RALGAPA2: variants seen among roughly 807,000 people sequenced by gnomAD.
RALGAPA2 encodes the protein ral GTPase-activating protein subunit alpha-2.
Under a neutral mutation model 230.4 loss-of-function variants are expected in RALGAPA2, and 139 were observed. The ratio of observed to expected loss-of-function variants is 0.60; its 90% CI spans 0.53 to 0.69. RALGAPA2 has a LOEUF of 0.69. RALGAPA2 is among the 30% of genes least tolerant of loss of function. The pLI, the probability that RALGAPA2 is intolerant of heterozygous loss-of-function variation, is 0.00. For missense variants in RALGAPA2, 2,163 were observed against 2,276.0 expected, an observed-to-expected ratio of 0.95 and a Z score of 1.01; for synonymous variants, 847 against 837.8, an observed-to-expected ratio of 1.01 and a Z score of -0.19.
chr20:20,553,468 C>T (rs924703335), intron 23 of RALGAPA2, among the ~76,000 whole-genome samples: 26 of 152,096 alleles, frequency 1.7e-4, no homozygotes, highest in African/African-American at 6.0e-4. Context: ...GGGAGGATCG[C>T]TTGAGCCTGG....
chr20:20,687,898 T>A (rs1345894383), intron 1 of RALGAPA2, among the ~76,000 whole-genome samples: 1 of 152,152 alleles, frequency 6.6e-6, no homozygotes, highest in Non-Finnish European at 1.5e-5. Flanking sequence ...TGACACAAAC[T>A]TTCTGTCAAC....
chr20:20,524,158 A>G (rs1204110438), intron 30 of RALGAPA2, among the ~76,000 whole-genome samples: 4 of 152,106 alleles, frequency 2.6e-5, no homozygotes, highest in Non-Finnish European at 5.9e-5. Flanking sequence ...GGGTTTCACC[A>G]TGTTAGCCAG....
At chr20:20,699,451 T>C (rs1357225963) in intron 1 of RALGAPA2, among the ~76,000 whole-genome samples, 2 of 152,196 alleles carry the variant, frequency 1.3e-5, no homozygotes, top group Non-Finnish European at 2.9e-5. Flanking sequence ...ATAGAGTCCA[T>C]GGAATCGAGA....
chr20:20,446,100 A>G (rs2060855208), intron 37 of RALGAPA2, among the ~76,000 whole-genome samples: 1 of 151,334 alleles, frequency 6.6e-6, no homozygotes, highest in East Asian at 1.9e-4. Flanking sequence ...AAAATCTTAT[A>G]TTCTTACTTG....
intron 38 of RALGAPA2, among the ~76,000 whole-genome samples, chr20:20,400,173 C>T (rs1405244241): frequency 6.6e-6 from 1 of 152,230 alleles, no homozygotes; most frequent in Non-Finnish European, 1.5e-5. Flanking sequence ...ACACTCAACA[C>T]TGGCAACCCA....
At chr20:20,556,186 C>T (rs934103429) in intron 23 of RALGAPA2, among the ~76,000 whole-genome samples, 2 of 152,158 alleles carry the variant, frequency 1.3e-5, no homozygotes, top group Non-Finnish European at 2.9e-5. Flanking sequence ...AAATGATTCT[C>T]CATCAGATGA....
intron 37 of RALGAPA2, among the ~76,000 whole-genome samples, chr20:20,466,011 G>A (rs936601947): frequency 1.3e-5 from 2 of 152,212 alleles, no homozygotes; most frequent in Non-Finnish European, 2.9e-5. Flanking sequence ...CAAGGAACAG[G>A]CACTGTTTTA....
intron 9 of RALGAPA2, among the ~76,000 whole-genome samples, chr20:20,630,412 C>T (rs997991462): frequency 6.6e-6 from 1 of 152,044 alleles, no homozygotes. Flanking sequence ...ATGAATAGTA[C>T]AAAACAGTAA....
intron 37 of RALGAPA2, among the ~76,000 whole-genome samples, chr20:20,470,712 T>A (rs977825180): frequency 6.6e-6 from 1 of 152,266 alleles, no homozygotes; most frequent in Non-Finnish European, 1.5e-5. Flanking sequence ...TTCCTATTTG[T>A]CTGCAATCTC....
chr20:20,588,079 A>G (rs533458839), intron 18 of RALGAPA2, among the ~76,000 whole-genome samples: 2 of 152,220 alleles, frequency 1.3e-5, no homozygotes, highest in Non-Finnish European at 2.9e-5. Context: ...TATCTTGTAA[A>G]GAAATTATTT....
intron 4 of RALGAPA2, among the ~76,000 whole-genome samples, chr20:20,645,652 C>T (rs1481239522): frequency 6.6e-6 from 1 of 152,100 alleles, no homozygotes; most frequent in African/African-American, 2.4e-5. Flanking sequence ...GTGAAAAACT[C>T]GTTTGTACAT....
intron 11 of RALGAPA2, among the ~76,000 whole-genome samples, chr20:20,620,072 CAA>C (rs1332495808): frequency 6.6e-6 from 1 of 152,216 alleles, no homozygotes; most frequent in Non-Finnish European, 1.5e-5. Context: ...CACTGCACAA[CAA>C]AAGTCTACCC....
At chr20:20,481,970 T>C (rs1236161547) in intron 36 of RALGAPA2, among the ~76,000 whole-genome samples, 2 of 152,234 alleles carry the variant, frequency 1.3e-5, no homozygotes, top group South Asian at 2.1e-4. Context: ...AACCAAACAA[T>C]TTTGAGATAT....
chr20:20,702,491 G>A (rs1043211263), intron 1 of RALGAPA2, among the ~76,000 whole-genome samples: 3 of 152,298 alleles, frequency 2.0e-5, no homozygotes, highest in Admixed American at 2.0e-4. Context: ...AAGGTCTTAG[G>A]CCAATAGGAA....
At chr20:20,434,969 G>A (rs2060578198) in intron 37 of RALGAPA2, among the ~76,000 whole-genome samples, 1 of 152,198 alleles carries the variant, frequency 6.6e-6, no homozygotes, top group South Asian at 2.1e-4. Context: ...GGCATTCAAA[G>A]TGAACTTATG....
chr20:20,710,945 A>G (rs2069832597), intron 1 of RALGAPA2, among the ~76,000 whole-genome samples: 1 of 152,232 alleles, frequency 6.6e-6, no homozygotes, highest in African/African-American at 2.4e-5. Flanking sequence ...GGAACTCCAC[A>G]CAATGCAACC....
At position 20,712,334 on chromosome 20, in the gene RALGAPA2, T is replaced by TA. The variant is rs2069918293; in HGVS notation, c.106+40dup. ...GGAGCGCCCTCCCGGCAGGTGCCCC[T>TA]AACCCGGCGCCCCGACCCCCGCGCC... On this transcript the variant is annotated intron_variant, in intron 1 of 39. Coordinates refer to ENST00000202677, the MANE Select transcript of RALGAPA2 (RefSeq NM_020343.4). The surrounding 1 kb of genome is among the most constrained non-coding windows in gnomAD (Gnocchi z 5.5). 11 of 1,334,054 alleles carry TA rather than the reference T, an allele frequency of 8.2e-6. No homozygotes were observed. Among genetic ancestry groups the TA allele is most frequent in the Admixed American group, 2.3e-5 (1 of 43,592 alleles). The allele number at this position is 1,334,054 out of a possible 1,614,324, so 82.6% of individuals were successfully genotyped here.
intron 3 of RALGAPA2, among the ~76,000 whole-genome samples, chr20:20,669,278 A>G (rs1251261576): frequency 6.6e-6 from 1 of 152,216 alleles, no homozygotes; most frequent in East Asian, 1.9e-4. Flanking sequence ...GATGGCATAC[A>G]ACATGGCAGA....
intron 1 of RALGAPA2, among the ~76,000 whole-genome samples, chr20:20,694,023 G>A (rs1306352980): frequency 6.6e-6 from 1 of 152,086 alleles, no homozygotes; most frequent in East Asian, 1.9e-4. Flanking sequence ...AGGATGGCTT[G>A]AGCCTGGGAT....
Sources: allele counts gnomAD v4.1 joint callset (sites outside exome capture counted in the v4.1 genomes callset), GRCh38; gene constraint gnomAD v4.1.1; non-coding constraint Gnocchi (gnomAD v3.1); transcripts MANE v1.5; gene names NCBI Gene and HGNC (gene_info 2026-07-23, HGNC 2026-07-21).